The following PRPF6 variants were observed in gnomAD, a reference collection of about 807,000 sequenced individuals.
The protein encoded by PRPF6 is pre-mRNA processing factor 6.
Under a neutral mutation model 118.3 loss-of-function variants are expected in PRPF6, and 42 were observed. That is an observed-to-expected ratio of 0.35 (90% confidence interval 0.28 to 0.46). The LOEUF is 0.46. Ranked by LOEUF, PRPF6 falls within the 20% of genes least tolerant of loss-of-function variation. The pLI, the probability that PRPF6 is intolerant of heterozygous loss-of-function variation, is 1.00. For missense variants in PRPF6, 662 were observed against 1,255.7 expected (o/e 0.53, Z 7.15); for synonymous variants, 481 against 485.1 (o/e 0.99, Z 0.11).
At chr20:64,023,318 A>G (rs2059274542) in intron 13 of PRPF6, among the ~76,000 whole-genome samples, 1 of 152,200 alleles carries the variant, frequency 6.6e-6, no homozygotes, top group Admixed American at 6.5e-5. Flanking sequence ...GTCCTTGACA[A>G]TTTTATTTAA....
chr20:63,986,499 T>G (rs1025198416), intron 3 of PRPF6, among the ~76,000 whole-genome samples: 75 of 150,866 alleles, frequency 5.0e-4, no homozygotes, highest in African/African-American at 1.7e-3. Flanking sequence ...CTTTTTTTTT[T>G]TTTTTTTGAG....
At chr20:64,019,633 G>A (rs2059254174) in intron 12 of PRPF6, among the ~76,000 whole-genome samples, 2 of 152,204 alleles carry the variant, frequency 1.3e-5, no homozygotes, top group African/African-American at 4.8e-5. Flanking sequence ...GAAATGCTTT[G>A]TCACCAACCC....
chr20:64,022,508 A>G (rs1466481199), intron 12 of PRPF6, among the ~76,000 whole-genome samples: 1 of 152,158 alleles, frequency 6.6e-6, no homozygotes, highest in Non-Finnish European at 1.5e-5. Flanking sequence ...GGTTTTCACT[A>G]TGTAAGTTAG....
rs565002933 is a variant in PRPF6, at chr20:63,981,162, G to C, written c.-84G>C. ...CGACACTTTGCTACGGAGTGCATCG[G>C]ACGTCGAAGCCTAGAGTCTCTGCGT... On this transcript the variant is annotated 5_prime_UTR_variant, in exon 1 of 21. Transcript: ENST00000266079. 9.9e-6 allele frequency: 14 copies of C among 1,413,308 alleles called. No individual in the cohort carries two copies. The highest frequency in any genetic ancestry group is 3.9e-5 in the Admixed American group (2 of 50,940). 87.5% of individuals were successfully genotyped at this position (1,413,308 alleles called of 1,614,324 possible). A position where few individuals can be genotyped will look rare whatever the true frequency, so the allele number is the denominator to read the frequency against.
rs748750130 is a variant in PRPF6, at chr20:64,027,155, G to A, written c.2202G>A (p.Gln734=). 3.1e-6 allele frequency: 5 copies of A among 1,613,228 alleles called. No individual in the cohort carries two copies. Among genetic ancestry groups the A allele is most frequent in the South Asian group, 1.1e-5 (1 of 91,052 alleles). ...AGAAGGCGCGGGAAGCCTATAACCA[G>A]GGGGTACGTCTCTGCCTGCACCCTG... ...MMEKAREAYN[Q]GLKKCPHSTP... The change falls in exon 16 of 21, where the codon CAG becomes CAA. Residue 734 remains glutamine (Q), a synonymous_variant. Coordinates refer to ENST00000266079, the MANE Select transcript of PRPF6 (RefSeq NM_012469.4). The surrounding 1 kb of genome is among the most constrained non-coding windows in gnomAD (Gnocchi z 6.5).
chr20:63,993,180 C>T (rs1293153224), intron 3 of PRPF6, among the ~76,000 whole-genome samples: 1 of 149,602 alleles, frequency 6.7e-6, no homozygotes, highest in African/African-American at 2.5e-5. Context: ...TGCGCCACTG[C>T]ACTTTAGCCT....
intron 9 of PRPF6, among the ~76,000 whole-genome samples, chr20:64,004,695 G>A (rs2059182009): frequency 1.3e-5 from 2 of 152,182 alleles, no homozygotes; most frequent in Non-Finnish European, 2.9e-5. Context: ...TCTGTAAAAG[G>A]GAAGAGGGCT....
chr20:64,004,812 C>T (rs2059182529), intron 9 of PRPF6, among the ~76,000 whole-genome samples: 1 of 152,220 alleles, frequency 6.6e-6, no homozygotes, highest in Non-Finnish European at 1.5e-5. Context: ...TACAATAATG[C>T]ACTCACATGC....
intron 3 of PRPF6, among the ~76,000 whole-genome samples, chr20:63,989,604 C>T (rs1188398085): frequency 1.3e-5 from 2 of 152,244 alleles, no homozygotes; most frequent in Non-Finnish European, 2.9e-5. Context: ...CAACCTCTGC[C>T]TCCCGGGTTC....
rs1481737012 is a variant in PRPF6 at position 64,028,282 on chromosome 20, C to T, written c.2340-196C>T. On this transcript the variant is annotated intron_variant, in intron 17 of 20. Coordinates refer to ENST00000266079, the MANE Select transcript of PRPF6 (RefSeq NM_012469.4). The surrounding 1 kb of genome is among the most constrained non-coding windows in gnomAD (Gnocchi z 6.5). ...CAGGATCTGAGGTCTTGCCTTGGGGCGGTTGCCAGTGGGGCTGGCAGGGAT... is the reference window on the plus strand; with the variant it reads ...CAGGATCTGAGGTCTTGCCTTGGGGTGGTTGCCAGTGGGGCTGGCAGGGAT... 6.6e-6 allele frequency among the ~76,000 whole-genome samples: 1 copy of T among 152,196 alleles called. No individual in the cohort carries two copies. The highest frequency in any genetic ancestry group is 1.9e-4 in the East Asian group (1 of 5,188).
intron 3 of PRPF6, among the ~76,000 whole-genome samples, chr20:63,985,826 T>C (rs912837185): frequency 2.6e-5 from 4 of 152,278 alleles, no homozygotes; most frequent in African/African-American, 7.2e-5. Context: ...TTACCAAATA[T>C]TTGAAGAAGA....
At chr20:64,031,706 C>G (rs2059315322) in intron 19 of PRPF6, among the ~76,000 whole-genome samples, 1 of 151,084 alleles carries the variant, frequency 6.6e-6, no homozygotes, top group Admixed American at 6.6e-5. Context: ...AAAAAAAAAC[C>G]AATTTGGTTA....
At chr20:63,999,830 A>G (rs1243939618) in intron 8 of PRPF6, 71 bp downstream of exon 8, 39 of 1,558,728 alleles carry the variant, frequency 2.5e-5, no homozygotes, top group Non-Finnish European at 3.4e-5. Context: ...TAAACTTGTT[A>G]GAGCAAATCT....
At chr20:64,014,128 C>T (rs1217597999) in intron 11 of PRPF6, among the ~76,000 whole-genome samples, 6 of 151,958 alleles carry the variant, frequency 3.9e-5, no homozygotes, top group Admixed American at 6.6e-5. Flanking sequence ...TTTGTAGAGA[C>T]GCGGTTTTGC....
chr20:64,001,789 C>T (rs1292215283), intron 9 of PRPF6, among the ~76,000 whole-genome samples: 1 of 152,182 alleles, frequency 6.6e-6, no homozygotes, highest in East Asian at 1.9e-4. Context: ...TACCAGGCAA[C>T]CTGATTCCAT....
In PRPF6 at chr20:64,011,540, C is replaced by T; in HGVS notation, c.1524+37C>T. The T allele has an allele frequency of 1.9e-6, 3 of 1,585,064 alleles. No homozygotes were observed. The highest frequency in any genetic ancestry group is 1.7e-6 in the Non-Finnish European group (2 of 1,165,206). On this transcript the variant is annotated intron_variant, in intron 11 of 20. Transcript: ENST00000266079. The surrounding 1 kb of genome is among the most constrained non-coding windows in gnomAD (Gnocchi z 6.7). ...GCGGGTGTCGTGGTGTCTGCTTTAA[C>T]AGTGCACATGCAGCACGTGAGAGTC...
intron 1 of PRPF6, 129 bp from the exon 2 acceptor site, chr20:63,982,918 G>T (rs1310033565): frequency 8.8e-7 from 1 of 1,136,762 alleles, no homozygotes; most frequent in Non-Finnish European, 1.3e-6. Flanking sequence ...GCAGTTCATT[G>T]TCACCAGGAT....
intron 12 of PRPF6, 94 bp downstream of exon 12, chr20:64,016,939 C>CTTTTT: frequency 7.8e-7 from 1 of 1,285,750 alleles, no homozygotes; most frequent in Non-Finnish European, 1.1e-6. Flanking sequence ...TTTTAAAACT[C>CTTTTT]TTTTTTTTTT....
chr20:64,027,755 A>G lies in PRPF6; in HGVS notation c.2339+19A>G, dbSNP rs1344938695. 1.2e-5 allele frequency: 19 copies of G among 1,613,264 alleles called. No homozygotes were observed. The highest frequency in any genetic ancestry group is 1.6e-5 in the Non-Finnish European group (19 of 1,179,900). On this transcript the variant is annotated intron_variant, in intron 17 of 20. Transcript: ENST00000266079. The surrounding 1 kb of genome is among the most constrained non-coding windows in gnomAD (Gnocchi z 6.5). ...GGCTGTGGTGAGTCCTGGAGGGGGC[A>G]GCCTGGCCTCTGGGCACAGCTTCCC... is the stretch of plus-strand genomic sequence containing the variant.
Sources: gnomAD v4.1 joint callset for allele counts (sites outside exome capture counted in the v4.1 genomes callset) on GRCh38, gnomAD v4.1.1 for gene constraint, Gnocchi (gnomAD v3.1) non-coding constraint, MANE v1.5 for transcripts, NCBI Gene and HGNC (gene_info 2026-07-23, HGNC 2026-07-21) for gene names.